TANK: variants seen among roughly 807,000 people sequenced by gnomAD.
The protein encoded by TANK is TRAF family member associated NFKB activator.
Under a neutral mutation model 43.6 loss-of-function variants are expected in TANK, and 15 were observed. The observed-to-expected ratio is 0.34, with a 90% CI of 0.23 to 0.53. The LOEUF (loss-of-function observed/expected upper bound fraction) is 0.53. Among genes scored for constraint, TANK ranks in the 20% least tolerant of loss-of-function variants. The pLI is 0.94. For synonymous variants in TANK, 162 were observed against 178.2 expected (o/e 0.91, Z 0.73); for missense variants, 417 against 498.6 (o/e 0.84, Z 1.56).
intron 2 of TANK, among the ~76,000 whole-genome samples, chr2:161,185,566 A>G (rs1234240745): frequency 6.6e-6 from 1 of 151,930 alleles, no homozygotes; most frequent in Non-Finnish European, 1.5e-5. Flanking sequence ...AAGCCTGAAC[A>G]TAGAGTGAAA....
At chr2:161,165,409 T>C (rs1193791332) in intron 1 of TANK, among the ~76,000 whole-genome samples, 2 of 152,176 alleles carry the variant, frequency 1.3e-5, no homozygotes, top group African/African-American at 2.4e-5. Context: ...TTGTGAGAGA[T>C]TTAAGTGGTT....
At chr2:161,188,806 A>G (rs1232278118) in intron 2 of TANK, among the ~76,000 whole-genome samples, 1 of 152,212 alleles carries the variant, frequency 6.6e-6, no homozygotes. Context: ...AATTGCCAGT[A>G]TAACAATATT....
intron 1 of TANK, among the ~76,000 whole-genome samples, chr2:161,153,936 C>T (rs1684150489): frequency 6.6e-6 from 1 of 152,174 alleles, no homozygotes; most frequent in Non-Finnish European, 1.5e-5. Context: ...ACAGAACTCT[C>T]ACTTACAATC....
intron 4 of TANK, among the ~76,000 whole-genome samples, chr2:161,218,466 A>G (rs1158075737): frequency 2.6e-5 from 4 of 152,216 alleles, no homozygotes; most frequent in Non-Finnish European, 5.9e-5. Flanking sequence ...CCGCCTGCCA[A>G]ACTATACACA....
chr2:161,164,067 C>T (rs549117797), intron 1 of TANK, among the ~76,000 whole-genome samples: 15 of 152,260 alleles, frequency 9.9e-5, no homozygotes, highest in East Asian at 3.9e-4. Context: ...TATGTGAATG[C>T]GTGGGTATTT....
At chr2:161,201,072 C>A (rs1301618949) in intron 2 of TANK, 2 of 980,282 alleles carry the variant, frequency 2.0e-6, no homozygotes, top group African/African-American at 3.5e-5. Flanking sequence ...ATTATAACTG[C>A]TAAATACAAG....
intron 2 of TANK, chr2:161,200,343 C>T (rs776340571): frequency 1.2e-5 from 12 of 984,354 alleles, no homozygotes; most frequent in Non-Finnish European, 1.4e-5. Flanking sequence ...ATAATCTGAC[C>T]TTGTAAAAGG....
intron 1 of TANK, among the ~76,000 whole-genome samples, chr2:161,179,011 T>G (rs1055358062): frequency 6.6e-6 from 1 of 152,120 alleles, no homozygotes; most frequent in Admixed American, 6.6e-5. Flanking sequence ...AGCAGGGAAG[T>G]TGGAAAACTA....
intron 2 of TANK, among the ~76,000 whole-genome samples, chr2:161,189,426 A>G (rs955928110): frequency 6.6e-6 from 1 of 152,192 alleles, no homozygotes; most frequent in African/African-American, 2.4e-5. Flanking sequence ...CAACATAGGA[A>G]AAACCCACAA....
intron 1 of TANK, among the ~76,000 whole-genome samples, chr2:161,144,674 A>G (rs1227269668): frequency 6.6e-6 from 1 of 151,960 alleles, no homozygotes; most frequent in Non-Finnish European, 1.5e-5. Context: ...GACTGTTATA[A>G]TTTCAGTTCT....
chr2:161,212,578 A>G, intron 4 of TANK: 1 of 985,236 alleles, frequency 1.0e-6, no homozygotes, highest in South Asian at 4.7e-5. Context: ...AAAGAAAATA[A>G]GAAGTGATAT....
At chr2:161,198,334 G>T (rs1405649428) in intron 2 of TANK, among the ~76,000 whole-genome samples, 1 of 152,224 alleles carries the variant, frequency 6.6e-6, no homozygotes, top group Non-Finnish European at 1.5e-5. Flanking sequence ...TGGACACACT[G>T]GGGTGGAAGT....
chr2:161,200,703 GT>G, intron 2 of TANK: 2 of 245,432 alleles, frequency 8.1e-6, no homozygotes, highest in Non-Finnish European at 1.3e-5. Flanking sequence ...CCTTGTTTCT[GT>G]TTTTAGTGTT....
chr2:161,150,690 G>A (rs1415375733), intron 1 of TANK, among the ~76,000 whole-genome samples: 13 of 148,226 alleles, frequency 8.8e-5, no homozygotes, highest in Admixed American at 1.4e-4. Flanking sequence ...AGGTTCAAGC[G>A]ATTCTCCTGC....
At chr2:161,230,928 A>C in intron 6 of TANK, 43 bp from the exon 7 acceptor site, 1 of 1,466,176 alleles carries the variant, frequency 6.8e-7, no homozygotes. Flanking sequence ...TTTTTTAATG[A>C]TTTGAATGCG....
At chr2:161,168,775 A>G (rs906534968) in intron 1 of TANK, among the ~76,000 whole-genome samples, 40 of 152,176 alleles carry the variant, frequency 2.6e-4, no homozygotes, top group Non-Finnish European at 5.1e-4. Flanking sequence ...GGAGGTTGCA[A>G]TGAGCTGAGA....
intron 1 of TANK, among the ~76,000 whole-genome samples, chr2:161,165,683 G>A (rs1684647276): frequency 6.6e-6 from 1 of 152,156 alleles, no homozygotes; most frequent in Non-Finnish European, 1.5e-5. Context: ...TCCCTCATCT[G>A]TGAATATTAT....
chr2:161,213,656 T>C (rs1386817778), intron 4 of TANK, among the ~76,000 whole-genome samples: 11 of 151,204 alleles, frequency 7.3e-5, no homozygotes, highest in Non-Finnish European at 1.5e-4. Context: ...TTTTTTTTTT[T>C]CAGTGTTATG....
chr2:161,219,611 ATTC>A (rs1430896684), intron 4 of TANK: 1 of 284,764 alleles, frequency 3.5e-6, no homozygotes, highest in Non-Finnish European at 7.1e-6. Context: ...TTTATGTACT[ATTC>A]TTTTATGTTT....
Sources: gnomAD v4.1 joint callset for allele counts (sites outside exome capture counted in the v4.1 genomes callset) on GRCh38, gnomAD v4.1.1 for gene constraint, MANE v1.5 for transcripts, NCBI Gene and HGNC (gene_info 2026-07-23, HGNC 2026-07-21) for gene names.